Variants in SVEP1 observed in about 807,000 individuals in gnomAD.
SVEP1 encodes sushi, von Willebrand factor type A, EGF and pentraxin domain-containing protein 1.
A neutral mutation model predicts 367.3 loss-of-function variants in SVEP1; 164 were observed. That is an observed-to-expected ratio of 0.45 (90% CI 0.39 to 0.51). The LOEUF is 0.51. Ranked by LOEUF, SVEP1 falls within the 20% of genes least tolerant of loss-of-function variation. The pLI is 0.00. For missense variants in SVEP1, 4,117 were observed against 4,425.3 expected, an observed-to-expected ratio of 0.93 and a Z score of 1.98; for synonymous variants, 1,666 against 1,611.6, an observed-to-expected ratio of 1.03 and a Z score of -0.81.
chr9:110,557,506 T>A (rs1468892972), intron 1 of SVEP1, among the ~76,000 whole-genome samples: 1 of 132,208 alleles, frequency 7.6e-6, no homozygotes, highest in Admixed American at 7.7e-5. Flanking sequence ...CCTCCCTCTC[T>A]CTCTCTCCCT....
In SVEP1 at chr9:110,470,818, G is replaced by C. The variant is rs533962730; in HGVS notation, c.2998+546C>G. Among the ~76,000 whole-genome samples, 35 of 151,192 alleles carry C rather than the reference G, an allele frequency of 2.3e-4. No individual in the cohort carries two copies. In the South Asian group the frequency reaches 6.9e-3, roughly 30 times the overall value. On this transcript the variant is annotated intron_variant, in intron 16 of 47. Coordinates refer to ENST00000374469, the MANE Select transcript of SVEP1 (RefSeq NM_153366.4). ...TTATACTTTAAGTTCTAGGGTACCT[G>C]TGCACAACGTGCAGGTTTCTTATGT... is the stretch of plus-strand genomic sequence containing the variant.
At chr9:110,567,266 T>A (rs1830503445) in intron 1 of SVEP1, among the ~76,000 whole-genome samples, 1 of 152,010 alleles carries the variant, frequency 6.6e-6, no homozygotes, top group African/African-American at 2.4e-5. Flanking sequence ...CACAAGAGAG[T>A]TATAAACCAT....
At chr9:110,497,939 C>T (rs1425118394) in intron 7 of SVEP1, among the ~76,000 whole-genome samples, 1 of 150,398 alleles carries the variant, frequency 6.6e-6, no homozygotes, top group African/African-American at 2.5e-5. Flanking sequence ...CTCTCTCCCA[C>T]AGGAAGACAT....
chr9:110,402,815 G>A (rs561612500), intron 39 of SVEP1, among the ~76,000 whole-genome samples: 3 of 152,186 alleles, frequency 2.0e-5, no homozygotes, highest in East Asian at 3.9e-4. Context: ...AAAATTTGAA[G>A]GCAAGTTAAT....
At chr9:110,509,712 A>C (rs982829206) in intron 5 of SVEP1, among the ~76,000 whole-genome samples, 2 of 152,160 alleles carry the variant, frequency 1.3e-5, no homozygotes, top group Non-Finnish European at 2.9e-5. Context: ...GCAGGTCATC[A>C]ATGTATATAC....
At chr9:110,536,281 C>G (rs1382026537) in intron 3 of SVEP1, among the ~76,000 whole-genome samples, 2 of 152,036 alleles carry the variant, frequency 1.3e-5, no homozygotes, top group Non-Finnish European at 2.9e-5. Flanking sequence ...TTGAACCAAC[C>G]TTGCATCCCA....
Position 110,366,572 on chromosome 9 carries a change from A to AAT in SVEP1, c.10695-13_10695-12insAT. 6.5e-7 allele frequency: 1 copy of AAT among 1,538,690 alleles called. No individual in the cohort carries two copies. Among genetic ancestry groups the AAT allele is most frequent in the Non-Finnish European group, 8.7e-7 (1 of 1,145,674 alleles). ...CAGTCCTCCTTTTCCTGGAAAAAAA[A>AAT]AAAAAAGCAACCAAATAGATTCAAA... On this transcript the variant is annotated splice_polypyrimidine_tract_variant and intron_variant, in intron 47 of 47. Transcript: ENST00000374469.
chr9:110,404,476 T>C lies in SVEP1; in HGVS notation c.9517A>G (p.Arg3173Gly). ...CATTTTTTAGGACTGCAGGAGATTC[T>C]CTCAGGGAACCAGCGACCATCTTTC... is the stretch of plus-strand genomic sequence containing the variant. ...CQKDGRWFPERISCSPKKCPL... is the reference protein window; with the variant it reads ...CQKDGRWFPEGISCSPKKCPL... The change falls in exon 39 of 48, where the codon AGA becomes GGA. Residue 3173 changes from arginine to glycine, a missense_variant. Transcript: ENST00000374469. The C allele has an allele frequency of 6.2e-7, 1 of 1,613,990 alleles. No individual in the cohort carries two copies. The highest frequency in any genetic ancestry group is 8.5e-7 in the Non-Finnish European group (1 of 1,179,890).
At chr9:110,574,743 CTTTTTTTT>C (rs1163833465) in intron 1 of SVEP1, among the ~76,000 whole-genome samples, 1 of 84,788 alleles carries the variant, frequency 1.2e-5, no homozygotes, top group Non-Finnish European at 2.4e-5. Context: ...AGTCGACCTT[CTTTTTTTT>C]TTTTTTTTTT....
At chr9:110,519,623 C>T (rs946983498) in intron 3 of SVEP1, among the ~76,000 whole-genome samples, 1 of 152,172 alleles carries the variant, frequency 6.6e-6, no homozygotes, top group Non-Finnish European at 1.5e-5. Flanking sequence ...AAAGAGTCTT[C>T]CAATTACCTG....
chr9:110,483,738 C>T (rs572271144), intron 9 of SVEP1, 45 bp from the exon 10 acceptor site: 4 of 1,435,944 alleles, frequency 2.8e-6, no homozygotes, highest in African/African-American at 1.4e-5. Flanking sequence ...CTGATATTCA[C>T]AAACGATGAG....
intron 3 of SVEP1, among the ~76,000 whole-genome samples, chr9:110,518,664 C>A (rs1829839503): frequency 6.6e-6 from 1 of 152,058 alleles, no homozygotes; most frequent in Non-Finnish European, 1.5e-5. Flanking sequence ...ACTATGATTT[C>A]TCATTCCTCC....
rs557979622 is a variant in SVEP1 at position 110,391,747 on chromosome 9, G to C, written c.9823-2160C>G. Among the ~76,000 whole-genome samples the C allele has an allele frequency of 3.8e-4, 58 of 152,270 alleles. 1 individual carries two copies. In the South Asian group the frequency reaches 0.011, roughly 29 times the overall value. Reference sequence around the variant, plus strand: ...TACAAATACTGATGTGCAGCAACTTGAGTGGGCCATGAGGTGCCCAGCTTA... The same window carrying C: ...TACAAATACTGATGTGCAGCAACTTCAGTGGGCCATGAGGTGCCCAGCTTA... On this transcript the variant is annotated intron_variant, in intron 40 of 47. Transcript: ENST00000374469.
At chr9:110,531,979 G>C (rs1418033212) in intron 3 of SVEP1, among the ~76,000 whole-genome samples, 1 of 152,108 alleles carries the variant, frequency 6.6e-6, no homozygotes, top group African/African-American at 2.4e-5. Flanking sequence ...TTGATACTAA[G>C]CCAGTGCTTC....
chr9:110,563,051 G>A (rs902250605), intron 1 of SVEP1, among the ~76,000 whole-genome samples: 1 of 152,078 alleles, frequency 6.6e-6, no homozygotes, highest in Admixed American at 6.6e-5. Flanking sequence ...AGATGAAAGA[G>A]AATAAATTGA....
At chr9:110,530,827 G>A (rs751823338) in intron 3 of SVEP1, among the ~76,000 whole-genome samples, 9 of 152,018 alleles carry the variant, frequency 5.9e-5, no homozygotes, top group Admixed American at 1.3e-4. Context: ...GTGAGCCACC[G>A]TGCCCAGTCT....
At chr9:110,533,334 G>A (rs753914220) in intron 3 of SVEP1, among the ~76,000 whole-genome samples, 12 of 152,042 alleles carry the variant, frequency 7.9e-5, no homozygotes, top group Non-Finnish European at 1.6e-4. Context: ...TGTTTCTCAC[G>A]AGCCTACTAT....
intron 32 of SVEP1, 79 bp downstream of exon 32, chr9:110,431,836 A>G (rs1281196329): frequency 1.7e-5 from 27 of 1,553,102 alleles, no homozygotes; most frequent in Middle Eastern, 3.4e-4. Context: ...TATCTCACTT[A>G]GAAATAACAT....
chr9:110,554,722 A>ATGTGTGTG (rs762452858), intron 1 of SVEP1, among the ~76,000 whole-genome samples: 524 of 121,568 alleles, frequency 4.3e-3, no homozygotes, highest in East Asian at 0.017. Context: ...GTATGTATAG[A>ATGTGTGTG]TGTGCGTGTG....
Sources: allele counts gnomAD v4.1 joint callset (sites outside exome capture counted in the v4.1 genomes callset), GRCh38; gene constraint gnomAD v4.1.1; transcripts MANE v1.5; gene names NCBI Gene and HGNC (gene_info 2026-07-23, HGNC 2026-07-21).